The following TLL2 variants were observed in gnomAD, a reference collection of about 807,000 sequenced individuals.
TLL2 encodes tolloid like 2, also known as tolloid-like protein 2.
Under a neutral mutation model 123.0 loss-of-function variants are expected in TLL2, and 106 were observed. The observed-to-expected ratio is 0.86, with a 90% confidence interval of 0.74 to 1.01. TLL2 has a LOEUF of 1.01. Ranked by LOEUF, TLL2 falls within the 50% of genes least tolerant of loss-of-function variation. TLL2 has a pLI of 0.00. For synonymous variants in TLL2, 494 were observed against 516.8 expected (o/e 0.96, Z 0.60); for missense variants, 1,332 against 1,336.7 (o/e 1.00, Z 0.06).
At chr10:96,476,291 C>T (rs1369367596) in intron 2 of TLL2, among the ~76,000 whole-genome samples, 1 of 133,178 alleles carries the variant, frequency 7.5e-6, no homozygotes, top group Admixed American at 8.1e-5. Flanking sequence ...CACTCTGTCA[C>T]TCAGATGTAG....
chr10:96,369,953 T>C lies in TLL2; in HGVS notation c.2913+112A>G. 4.9e-6 allele frequency: 7 copies of C among 1,419,766 alleles called. 1 individual carries two copies. The South Asian group carries it at 1.0e-4, about 21-fold the overall frequency. 87.9% of individuals were successfully genotyped at this position (1,419,766 alleles called of 1,614,324 possible). The stretch of plus-strand genomic sequence containing the variant: ...TTCTGCAGAACGTGCCTCCTCGCCG[T>C]TGCTCCTAAGTGGAGTAGGTGGCCG... On this transcript the variant is annotated intron_variant, in intron 20 of 20. Coordinates refer to ENST00000357947, the MANE Select transcript of TLL2 (RefSeq NM_012465.4).
chr10:96,379,539 T>C (rs545050990), intron 16 of TLL2, among the ~76,000 whole-genome samples: 1 of 152,244 alleles, frequency 6.6e-6, no homozygotes, highest in South Asian at 2.1e-4. Flanking sequence ...GTAAGGAAAC[T>C]GGCCAGGCAT....
chr10:96,449,914 G>T (rs961906832), intron 2 of TLL2, among the ~76,000 whole-genome samples: 13 of 152,042 alleles, frequency 8.6e-5, no homozygotes, highest in Non-Finnish European at 1.3e-4. Context: ...CTCCTCTTGG[G>T]GTAAAAGTCA....
chr10:96,448,526 A>G (rs554711996), intron 2 of TLL2, among the ~76,000 whole-genome samples: 3 of 152,306 alleles, frequency 2.0e-5, no homozygotes, highest in South Asian at 2.1e-4. Context: ...CGTTCATTCA[A>G]CAAGTATCTA....
intron 2 of TLL2, among the ~76,000 whole-genome samples, chr10:96,462,880 C>T (rs1847093794): frequency 6.6e-6 from 1 of 152,128 alleles, no homozygotes; most frequent in Non-Finnish European, 1.5e-5. Context: ...ACAAAAAGCA[C>T]AAAAATGCTT....
chr10:96,459,497 G>A (rs1847051559), intron 2 of TLL2, among the ~76,000 whole-genome samples: 1 of 150,424 alleles, frequency 6.6e-6, no homozygotes, highest in Non-Finnish European at 1.5e-5. Context: ...TGGCCAACAT[G>A]GTGAAACCCC....
chr10:96,499,971 T>C (rs1241352931), intron 1 of TLL2, among the ~76,000 whole-genome samples: 1 of 151,814 alleles, frequency 6.6e-6, no homozygotes, highest in Non-Finnish European at 1.5e-5. Flanking sequence ...TTAATCCTAA[T>C]GGGAGTGTAA....
intron 9 of TLL2, among the ~76,000 whole-genome samples, chr10:96,408,372 T>C (rs1846470530): frequency 6.6e-6 from 1 of 152,204 alleles, no homozygotes; most frequent in Non-Finnish European, 1.5e-5. Context: ...CTTGCAGCTC[T>C]GGGGAAAGCT....
At position 96,466,456 on chromosome 10, in the gene TLL2, C is replaced by T. The variant is rs117241565; in HGVS notation, c.286+13893G>A. Among the ~76,000 whole-genome samples the T allele has an allele frequency of 7.6e-3, 1,162 of 152,304 alleles. 8 individuals are homozygous for T. The highest frequency in any genetic ancestry group is 0.013 in the Non-Finnish European group (891 of 68,030). ...TGTCTGGGCCATCATGCACTGGGTACCAGGATGGGGAGCCTCATCCCACTC... is the reference window on the plus strand; with the variant it reads ...TGTCTGGGCCATCATGCACTGGGTATCAGGATGGGGAGCCTCATCCCACTC... On this transcript the variant is annotated intron_variant, in intron 2 of 20. Coordinates refer to ENST00000357947, the MANE Select transcript of TLL2 (RefSeq NM_012465.4).
chr10:96,399,456 TG>T (rs1171494361), intron 10 of TLL2, among the ~76,000 whole-genome samples: 2 of 152,054 alleles, frequency 1.3e-5, no homozygotes, highest in Non-Finnish European at 2.9e-5. Flanking sequence ...TGGGGAAACA[TG>T]GGGGTAAAGG....
intron 7 of TLL2, among the ~76,000 whole-genome samples, chr10:96,414,672 TGCCTC>T (rs894887472): frequency 2.6e-5 from 4 of 152,312 alleles, no homozygotes; most frequent in African/African-American, 9.6e-5. Flanking sequence ...GAGCCCCAGA[TGCCTC>T]GTAACACCTC....
chr10:96,467,428 T>C (rs746444197), intron 2 of TLL2, among the ~76,000 whole-genome samples: 10 of 152,122 alleles, frequency 6.6e-5, no homozygotes, highest in Non-Finnish European at 1.0e-4. Flanking sequence ...AGACAGAGTC[T>C]TGCTATGTTC....
rs61740995 is a variant in TLL2, at chr10:96,480,403, C to G, written c.232G>C (p.Asp78His). ...TGCTTGGTCCAGTCTCTGGCTTTGTCAATGTGAAACAGCTTCAAGTCATCT... is the reference window on the plus strand; with the variant it reads ...TGCTTGGTCCAGTCTCTGGCTTTGTGAATGTGAAACAGCTTCAAGTCATCT... ...DEDDLKLFHIDKARDWTKQTV... is the reference protein window; with the variant it reads ...DEDDLKLFHIHKARDWTKQTV... Residue 78 changes from aspartate to histidine, a missense_variant, in exon 2 of 21, where the codon GAC (aspartate) becomes CAC (histidine). Asp to His is a moderately conservative substitution (Grantham distance 81, BLOSUM62 -1). Coordinates refer to ENST00000357947, the MANE Select transcript of TLL2 (RefSeq NM_012465.4). 1.2e-5 allele frequency: 19 copies of G among 1,614,080 alleles called. No homozygotes were observed. The African/African-American group carries it at 2.1e-4, about 18-fold the overall frequency.
At chr10:96,407,642 G>T (rs888100241) in intron 9 of TLL2, among the ~76,000 whole-genome samples, 1 of 152,174 alleles carries the variant, frequency 6.6e-6, no homozygotes, top group Non-Finnish European at 1.5e-5. Flanking sequence ...ACCACACCTC[G>T]CAAGCTGCCC....
intron 1 of TLL2, among the ~76,000 whole-genome samples, chr10:96,484,662 A>G (rs1482034160): frequency 6.6e-6 from 1 of 151,838 alleles, no homozygotes; most frequent in Non-Finnish European, 1.5e-5. Context: ...CAATAGATAT[A>G]ATCTTTCTTC....
At chr10:96,502,063 TG>T (rs1435055354) in intron 1 of TLL2, among the ~76,000 whole-genome samples, 2 of 152,162 alleles carry the variant, frequency 1.3e-5, no homozygotes, top group African/African-American at 4.8e-5. Context: ...TGATTGAGAC[TG>T]GGGACTGGGA....
chr10:96,492,016 CAGGG>C (rs1847418804), intron 1 of TLL2, among the ~76,000 whole-genome samples: 1 of 152,080 alleles, frequency 6.6e-6, no homozygotes, highest in African/African-American at 2.4e-5. Flanking sequence ...CTGAGCCTTG[CAGGG>C]CAAGGCTCAT....
intron 16 of TLL2, among the ~76,000 whole-genome samples, chr10:96,384,209 G>A (rs756452353): frequency 2.7e-4 from 41 of 152,120 alleles, no homozygotes; most frequent in Non-Finnish European, 5.4e-4. Flanking sequence ...ACAAGGCAAG[G>A]AATGCCAAGG....
At chr10:96,484,590 TACACACAC>T (rs56286214) in intron 1 of TLL2, among the ~76,000 whole-genome samples, 3,799 of 145,958 alleles carry the variant, frequency 0.026, 128 homozygotes, top group African/African-American at 0.081. Flanking sequence ...TACACATAAG[TACACACAC>T]ACACACACAC....
Sources: allele counts gnomAD v4.1 joint callset (sites outside exome capture counted in the v4.1 genomes callset), GRCh38; gene constraint gnomAD v4.1.1; transcripts MANE v1.5; gene names NCBI Gene and HGNC (gene_info 2026-07-23, HGNC 2026-07-21).